TAF3: variants seen among roughly 807,000 people sequenced by gnomAD.
The protein encoded by TAF3 is TATA-box binding protein associated factor 3.
TAF3 carries 7 observed loss-of-function variants against 80.6 expected under a neutral mutation model. That is an observed-to-expected ratio of 0.09 (90% CI 0.05 to 0.16). The LOEUF (loss-of-function observed/expected upper bound fraction) is 0.16. TAF3 is among the 10% of genes least tolerant of loss of function. The probability of loss-of-function intolerance (pLI) is 1.00; values close to 1 mark genes in which losing one functional copy is unlikely to be tolerated. For synonymous variants in TAF3, 444 were observed against 446.1 expected, an observed-to-expected ratio of 1.00 and a Z score of 0.06; for missense variants, 921 against 1,140.2, an observed-to-expected ratio of 0.81 and a Z score of 2.77.
rs750967914 is a variant in TAF3, at chr10:7,964,551, A to G, written c.1041A>G (p.Thr347=). ...CGCCCAACAGGACTCCTTCAGCTAC[A>G]CTCAGTGAAAAAATCAGTAAAGAGA... ...PETPNRTPSA[T]LSEKISKETI... The change falls in exon 3 of 7, where the codon ACA becomes ACG. Residue 347 remains threonine (T), a synonymous_variant. Transcript: ENST00000344293. This position sits in a 1 kb window ranked among gnomAD's most constrained non-coding sequence, Gnocchi z 4.1. 46 of 1,613,838 alleles carry G rather than the reference A, an allele frequency of 2.9e-5. 1 individual carries two copies. In the Middle Eastern group the frequency reaches 4.9e-4, roughly 17 times the overall value.
At chr10:7,833,045 A>G (rs1836817741) in intron 2 of TAF3, among the ~76,000 whole-genome samples, 1 of 152,230 alleles carries the variant, frequency 6.6e-6, no homozygotes, top group African/African-American at 2.4e-5. Flanking sequence ...CTGTGGTGCT[A>G]TTAAAGGCTG....
intron 3 of TAF3, among the ~76,000 whole-genome samples, chr10:7,968,322 G>A (rs1831591986): frequency 6.6e-6 from 1 of 152,134 alleles, no homozygotes; most frequent in African/African-American, 2.4e-5. Context: ...AGATCGGCAA[G>A]CAAGAGCATT....
intron 3 of TAF3, among the ~76,000 whole-genome samples, chr10:7,969,923 C>G (rs188617809): frequency 1.9e-3 from 289 of 152,264 alleles, no homozygotes; most frequent in African/African-American, 6.6e-3. Context: ...TCCTCCCATT[C>G]AAAACTAGGA....
intron 2 of TAF3, among the ~76,000 whole-genome samples, chr10:7,848,943 C>T (rs1203841105): frequency 6.6e-6 from 1 of 152,078 alleles, no homozygotes; most frequent in Admixed American, 6.6e-5. Context: ...AACTGTTTCC[C>T]AGTAGGGTGT....
rs369038346 is a variant in TAF3, at chr10:8,010,506, A to G, written c.2568+1176A>G. Among the ~76,000 whole-genome samples the G allele has an allele frequency of 7.6e-4, 116 of 152,336 alleles. 2 individuals are homozygous for G. Among genetic ancestry groups the G allele is most frequent in the African/African-American group, 2.5e-3 (106 of 41,580 alleles). On this transcript the variant is annotated intron_variant, in intron 5 of 6. Transcript: ENST00000344293. ...CCAGGTAGTGTTTCTGAATAATAGCACTAATTATATTTTATTGGCTATGAT... is the reference window on the plus strand; with the variant it reads ...CCAGGTAGTGTTTCTGAATAATAGCGCTAATTATATTTTATTGGCTATGAT...
chr10:7,848,637 C>T (rs1836996609), intron 2 of TAF3, among the ~76,000 whole-genome samples: 1 of 152,136 alleles, frequency 6.6e-6, no homozygotes, highest in Admixed American at 6.5e-5. Context: ...TAAAGGATTT[C>T]TTAAAGTTCA....
chr10:7,994,977 G>GAAAAAAAAAAAAAAAAAAAAAAAA (rs71287400), intron 4 of TAF3, among the ~76,000 whole-genome samples: 1 of 97,646 alleles, frequency 1.0e-5, no homozygotes, highest in Non-Finnish European at 2.0e-5. Flanking sequence ...CTCAAAAAAA[G>GAAAAAAAAAAAAAAAAAAAAAAAA]AAAAAAAAAA....
intron 2 of TAF3, among the ~76,000 whole-genome samples, chr10:7,924,531 T>C (rs1454039428): frequency 6.6e-6 from 1 of 152,196 alleles, no homozygotes; most frequent in Non-Finnish European, 1.5e-5. Flanking sequence ...TGCACATCTT[T>C]ATGTGGGCAT....
intron 3 of TAF3, among the ~76,000 whole-genome samples, chr10:7,972,345 TA>T (rs1201518896): frequency 6.6e-6 from 1 of 152,248 alleles, no homozygotes; most frequent in Non-Finnish European, 1.5e-5. Flanking sequence ...GCATCCTCAT[TA>T]ATCTTTTTCT....
intron 2 of TAF3, among the ~76,000 whole-genome samples, chr10:7,858,088 A>C (rs913733870): frequency 6.6e-6 from 1 of 152,096 alleles, no homozygotes; most frequent in Admixed American, 6.5e-5. Flanking sequence ...TTTTGTTACA[A>C]ATAGGGACAT....
At chr10:7,924,023 G>C (rs569532432) in intron 2 of TAF3, among the ~76,000 whole-genome samples, 10 of 152,272 alleles carry the variant, frequency 6.6e-5, no homozygotes, top group African/African-American at 2.4e-4. Flanking sequence ...GTCTGTAGTT[G>C]ACAGTATTTA....
intron 2 of TAF3, among the ~76,000 whole-genome samples, chr10:7,874,882 G>C (rs187197207): frequency 1.3e-3 from 191 of 151,846 alleles, no homozygotes; most frequent in African/African-American, 4.3e-3. Context: ...TATTGAGCTC[G>C]GGTTTTTTTC....
At chr10:7,865,059 T>C (rs1421211364) in intron 2 of TAF3, among the ~76,000 whole-genome samples, 1 of 151,598 alleles carries the variant, frequency 6.6e-6, no homozygotes, top group Non-Finnish European at 1.5e-5. Flanking sequence ...GTGGATAGAG[T>C]GATGGGTTGA....
Position 7,852,877 on chromosome 10 carries a change from A to G in TAF3, c.409+28317A>G, listed in dbSNP as rs186971827. Among the ~76,000 whole-genome samples, 14 of 152,318 alleles carry G rather than the reference A, an allele frequency of 9.2e-5. 1 individual carries two copies. In the East Asian group the frequency reaches 2.7e-3, roughly 29 times the overall value. ...GATGAATGCTTGATCCCTTTTCTTC[A>G]TTCATCAGTTTTCAAAATAATGAAT... On this transcript the variant is annotated intron_variant, in intron 2 of 6. Transcript: ENST00000344293.
intron 2 of TAF3, among the ~76,000 whole-genome samples, chr10:7,911,543 T>C (rs1331805877): frequency 6.6e-6 from 1 of 152,186 alleles, no homozygotes; most frequent in African/African-American, 2.4e-5. Flanking sequence ...TCTGCAAAAA[T>C]ACTTAGGGAA....
chr10:7,864,010 T>C (rs1837183903), intron 2 of TAF3, among the ~76,000 whole-genome samples: 1 of 152,122 alleles, frequency 6.6e-6, no homozygotes, highest in Non-Finnish European at 1.5e-5. Context: ...TGCTCCTTCA[T>C]CCCCTTATCC....
intron 2 of TAF3, among the ~76,000 whole-genome samples, chr10:7,916,111 CAA>C: frequency 6.6e-6 from 1 of 152,246 alleles, no homozygotes; most frequent in South Asian, 2.1e-4. Flanking sequence ...CCTCTTAACC[CAA>C]AGTGTTTGGT....
rs549375377 is a variant in TAF3, at chr10:7,872,306, T to C, written c.409+47746T>C. On this transcript the variant is annotated intron_variant, in intron 2 of 6. Coordinates refer to ENST00000344293, the MANE Select transcript of TAF3 (RefSeq NM_031923.4). Reference sequence around the variant, plus strand: ...AGTGTTTTTTAAAAGCAATGTTCTCTGTGTAATTAAAATCAGTTCCCTGTA... The same window carrying C: ...AGTGTTTTTTAAAAGCAATGTTCTCCGTGTAATTAAAATCAGTTCCCTGTA... 6.6e-5 allele frequency among the ~76,000 whole-genome samples: 10 copies of C among 151,844 alleles called. No individual in the cohort carries two copies. In the South Asian group the frequency reaches 1.9e-3, roughly 29 times the overall value.
rs576933292 is a variant in TAF3, at chr10:7,944,824, C to T, written c.410-19096C>T. On this transcript the variant is annotated intron_variant, in intron 2 of 6. Coordinates refer to ENST00000344293, the MANE Select transcript of TAF3 (RefSeq NM_031923.4). ...TTATCTTAAGCAATTAATCAAGAAACTCATATTTTGGGACAATTATTCAGA... is the reference window on the plus strand; with the variant it reads ...TTATCTTAAGCAATTAATCAAGAAATTCATATTTTGGGACAATTATTCAGA... Among the ~76,000 whole-genome samples the T allele has an allele frequency of 7.2e-5, 11 of 152,284 alleles. No individual in the cohort carries two copies. In the East Asian group the frequency reaches 1.5e-3, roughly 21 times the overall value.
Sources: allele counts gnomAD v4.1 joint callset (sites outside exome capture counted in the v4.1 genomes callset), GRCh38; gene constraint gnomAD v4.1.1; non-coding constraint Gnocchi (gnomAD v3.1); transcripts MANE v1.5; gene names NCBI Gene and HGNC (gene_info 2026-07-23, HGNC 2026-07-21).